The following STAU2 variants were observed in gnomAD, a reference collection of about 807,000 sequenced individuals.
STAU2 encodes double-stranded RNA-binding protein Staufen homolog 2.
In STAU2, 20 loss-of-function variants were observed where a neutral mutation model predicts 65.9. That is an observed-to-expected ratio of 0.30 (90% confidence interval 0.21 to 0.44). The LOEUF is 0.44. Ranked by LOEUF, STAU2 falls within the 20% of genes least tolerant of loss-of-function variation. STAU2 has a pLI of 1.00. For synonymous variants in STAU2, 232 were observed against 233.9 expected (o/e 0.99, Z 0.07); for missense variants, 558 against 683.9 (o/e 0.82, Z 2.05).
chr8:73,589,884 A>AGATGAG (rs145917941), intron 11 of STAU2, among the ~76,000 whole-genome samples: 2 of 152,090 alleles, frequency 1.3e-5, no homozygotes, highest in East Asian at 1.9e-4. Context: ...AGGATGACAA[A>AGATGAG]GATGAGGATG....
intron 13 of STAU2, among the ~76,000 whole-genome samples, chr8:73,461,651 A>G (rs1160941484): frequency 6.6e-6 from 1 of 152,022 alleles, no homozygotes; most frequent in Non-Finnish European, 1.5e-5. Context: ...CAGAGAGCAC[A>G]AGCACAAGCA....
At chr8:73,516,015 C>T (rs1189445392) in intron 13 of STAU2, among the ~76,000 whole-genome samples, 1 of 149,900 alleles carries the variant, frequency 6.7e-6, no homozygotes, top group African/African-American at 2.5e-5. Context: ...CTCATTGAAG[C>T]CTCAAACTCC....
At chr8:73,581,405 T>A (rs1450090762) in intron 12 of STAU2, among the ~76,000 whole-genome samples, 1 of 152,192 alleles carries the variant, frequency 6.6e-6, no homozygotes, top group Non-Finnish European at 1.5e-5. Context: ...AGAATGGAAT[T>A]TCTGGCACGC....
intron 3 of STAU2, among the ~76,000 whole-genome samples, chr8:73,736,410 G>C (rs1347079234): frequency 1.3e-5 from 2 of 152,152 alleles, no homozygotes; most frequent in Non-Finnish European, 2.9e-5. Flanking sequence ...GAAACAAACT[G>C]TCTAACAAGG....
At chr8:73,515,108 A>G (rs1585911228) in intron 13 of STAU2, among the ~76,000 whole-genome samples, 2 of 152,286 alleles carry the variant, frequency 1.3e-5, no homozygotes, top group East Asian at 3.9e-4. Context: ...AAGCAGCAGT[A>G]GTATTAAAAC....
At chr8:73,495,685 A>ATATATATATATATATATATATATATG (rs1199482749) in intron 13 of STAU2, among the ~76,000 whole-genome samples, 3 of 147,622 alleles carry the variant, frequency 2.0e-5, no homozygotes, top group African/African-American at 7.4e-5. Context: ...ATATATATAT[A>ATATATATATATATATATATATATATG]TATGTATAGT....
chr8:73,605,921 T>C (rs1379285065), intron 9 of STAU2, among the ~76,000 whole-genome samples: 1 of 100,834 alleles, frequency 9.9e-6, no homozygotes, highest in Non-Finnish European at 2.1e-5. Flanking sequence ...ACACACACGG[T>C]CACATGATTT....
At chr8:73,485,592 C>T (rs914499001) in intron 13 of STAU2, among the ~76,000 whole-genome samples, 1 of 151,976 alleles carries the variant, frequency 6.6e-6, no homozygotes, top group African/African-American at 2.4e-5. Flanking sequence ...AGCTCAGACC[C>T]GTAATCTCAG....
intron 3 of STAU2, among the ~76,000 whole-genome samples, chr8:73,735,354 T>A (rs1244241829): frequency 1.3e-5 from 2 of 152,188 alleles, no homozygotes; most frequent in Non-Finnish European, 2.9e-5. Context: ...AGAGTCTTCA[T>A]CTCAGACTTG....
chr8:73,709,553 A>AT (rs1044405943), intron 3 of STAU2, among the ~76,000 whole-genome samples: 1 of 151,716 alleles, frequency 6.6e-6, no homozygotes, highest in African/African-American at 2.4e-5. Flanking sequence ...TTTCATCTCA[A>AT]TTTTTTTCCT....
intron 13 of STAU2, among the ~76,000 whole-genome samples, chr8:73,484,383 C>T (rs566189772): frequency 1.2e-4 from 18 of 152,150 alleles, no homozygotes; most frequent in African/African-American, 3.6e-4. Flanking sequence ...TTATTTCTAT[C>T]GCAAGTGACT....
At chr8:73,601,461 T>C (rs1446281736) in intron 10 of STAU2, among the ~76,000 whole-genome samples, 4 of 152,198 alleles carry the variant, frequency 2.6e-5, no homozygotes, top group African/African-American at 9.7e-5. Flanking sequence ...TCAACATAAG[T>C]AACTGCATCC....
intron 6 of STAU2, among the ~76,000 whole-genome samples, chr8:73,637,733 A>G (rs1467729848): frequency 6.6e-6 from 1 of 151,950 alleles, no homozygotes; most frequent in African/African-American, 2.4e-5. Flanking sequence ...AAACACAAAC[A>G]CAAAAACAAA....
At chr8:73,570,683 T>G (rs1394717188) in intron 12 of STAU2, among the ~76,000 whole-genome samples, 1 of 152,026 alleles carries the variant, frequency 6.6e-6, no homozygotes. Context: ...GGAAAAAATT[T>G]TAAGGGCAGC....
chr8:73,613,834 G>T lies in STAU2; in HGVS notation c.801C>A (p.Thr267=), dbSNP rs756320751. 6.2e-7 allele frequency: 1 copy of T among 1,613,726 alleles called. No individual in the cohort carries two copies. Among genetic ancestry groups the T allele is most frequent in the Non-Finnish European group, 8.5e-7 (1 of 1,179,810 alleles). The change falls in exon 9 of 15, where the codon ACC becomes ACA. Residue 267 remains threonine (T), a synonymous_variant. Transcript: ENST00000524300. ...GAAGTTTTTTAAGCTCCTGTAAGAC[G>T]GTGGTCGCAGCGCGCTTCTTGGAGA... ...KKLSKKRAAT[T]VLQELKKLPP...
At chr8:73,602,719 T>C (rs921710947) in intron 10 of STAU2, among the ~76,000 whole-genome samples, 1 of 148,208 alleles carries the variant, frequency 6.7e-6, no homozygotes, top group Non-Finnish European at 1.5e-5. Context: ...CAAGACCCTG[T>C]TGCCCCACCA....
In STAU2 at chr8:73,582,699, A is replaced by G. The variant is rs1810077421; in HGVS notation, c.1222+71T>C. ...TCTCAGACCCAGACAGACCCAACCA[A>G]TCCCAGTGACAGCTAGTCACTGAGC... On this transcript the variant is annotated intron_variant, in intron 12 of 14. Coordinates refer to ENST00000524300, the MANE Select transcript of STAU2 (RefSeq NM_001164380.2). 1.2e-5 allele frequency: 17 copies of G among 1,458,232 alleles called. No homozygotes were observed. In the South Asian group the frequency reaches 1.7e-4, roughly 15 times the overall value. 90.3% of individuals were successfully genotyped at this position (1,458,232 alleles called of 1,614,324 possible). A position where few individuals can be genotyped will look rare whatever the true frequency, so the allele number is the denominator to read the frequency against.
At chr8:73,442,583 G>A (rs1818244368) in intron 13 of STAU2, among the ~76,000 whole-genome samples, 2 of 152,112 alleles carry the variant, frequency 1.3e-5, no homozygotes, top group Admixed American at 1.3e-4. Flanking sequence ...GGGGATATGA[G>A]TTAGGCCTGC....
At chr8:73,457,764 C>T (rs1363638641) in intron 13 of STAU2, among the ~76,000 whole-genome samples, 1 of 152,208 alleles carries the variant, frequency 6.6e-6, no homozygotes, top group African/African-American at 2.4e-5. Context: ...TCAGGATAGG[C>T]ATGATATGCA....
Sources: allele counts gnomAD v4.1 joint callset (sites outside exome capture counted in the v4.1 genomes callset), GRCh38; gene constraint gnomAD v4.1.1; transcripts MANE v1.5; gene names NCBI Gene and HGNC (gene_info 2026-07-23, HGNC 2026-07-21).